The following C2orf49 variants were observed in gnomAD, a reference collection of about 807,000 sequenced individuals.
The protein encoded by C2orf49 is tRNA-splicing ligase complex subunit ASW.
C2orf49 carries 11 observed loss-of-function variants against 20.6 expected under a neutral mutation model. The observed-to-expected ratio is 0.53, with a 90% CI of 0.34 to 0.88. The LOEUF (loss-of-function observed/expected upper bound fraction) is 0.88. Among genes scored for constraint, C2orf49 ranks in the 40% least tolerant of loss-of-function variants. The probability of loss-of-function intolerance (pLI) is 0.02; values close to 1 mark genes in which losing one functional copy is unlikely to be tolerated. For synonymous variants in C2orf49, 134 were observed against 108.5 expected, an observed-to-expected ratio of 1.24 and a Z score of -1.46; for missense variants, 289 against 274.2, an observed-to-expected ratio of 1.05 and a Z score of -0.38.
At chr2:105,339,817 T>G in intron 2 of C2orf49, 68 bp downstream of exon 2, 1 of 1,343,176 alleles carries the variant, frequency 7.4e-7, no homozygotes, top group Non-Finnish European at 9.9e-7. Flanking sequence ...GTTATTGATT[T>G]TTCCTGAGAT....
chr2:105,339,509 C>T, intron 1 of C2orf49, 74 bp from the exon 2 acceptor site: 2 of 1,370,862 alleles, frequency 1.5e-6, no homozygotes, highest in Non-Finnish European at 1.0e-6. Context: ...AATGTTTTAC[C>T]ATGTTAGGTA....
the C2orf49 span, among the ~76,000 whole-genome samples, chr2:105,364,005 T>G: frequency 6.6e-6 from 1 of 152,090 alleles, no homozygotes; most frequent in African/African-American, 2.4e-5. Context: ...ACCTGTAATC[T>G]CAGGACTTTG....
the C2orf49 span, chr2:105,377,744 G>A: frequency 7.2e-5 from 19 of 265,178 alleles, 1 homozygote; most frequent in African/African-American, 3.1e-4. Flanking sequence ...AGGACTGCTC[G>A]TTTGGGGAAA....
the C2orf49 span, chr2:105,376,328 A>G: frequency 6.6e-6 from 1 of 152,216 alleles, no homozygotes; most frequent in East Asian, 1.9e-4. Flanking sequence ...TTCAAAACAG[A>G]TAGCCTTGAG....
the C2orf49 span, chr2:105,363,401 C>A: frequency 1.2e-6 from 2 of 1,613,536 alleles, no homozygotes; most frequent in Non-Finnish European, 8.5e-7. Context: ...CTGCTTCCTG[C>A]AGGCGGTGCA....
chr2:105,384,545 T>G, the C2orf49 span, among the ~76,000 whole-genome samples: 1 of 152,160 alleles, frequency 6.6e-6, no homozygotes, highest in Non-Finnish European at 1.5e-5. Context: ...TCTTACTCTG[T>G]GTCCCAGGCT....
the C2orf49 span, among the ~76,000 whole-genome samples, chr2:105,355,767 ATTTTGTGTGT>A: frequency 1.7e-5 from 2 of 117,280 alleles, no homozygotes; most frequent in Non-Finnish European, 3.8e-5. Context: ...AGGAGAAAAA[ATTTTGTGTGT>A]GTGTGTGTGT....
At chr2:105,379,996 T>A in the C2orf49 span, among the ~76,000 whole-genome samples, 1 of 152,202 alleles carries the variant, frequency 6.6e-6, no homozygotes, top group Non-Finnish European at 1.5e-5. Flanking sequence ...GCGCCCAGTT[T>A]GTGTTGTCTT....
intron 2 of C2orf49, among the ~76,000 whole-genome samples, chr2:105,341,204 T>G (rs1387297933): frequency 6.6e-6 from 1 of 152,242 alleles, no homozygotes; most frequent in Non-Finnish European, 1.5e-5. Context: ...TTCCTCTTGA[T>G]CAGCACATTC....
In C2orf49 at chr2:105,348,124, A is replaced by G. The variant is rs1679860284; in HGVS notation, c.*2753A>G. On this transcript the variant is annotated 3_prime_UTR_variant, in exon 4 of 4. Coordinates refer to ENST00000258457, the MANE Select transcript of C2orf49 (RefSeq NM_024093.3). ...CTTCTAGCTTAGGTTTGCAAGTCAT[A>G]TTGCTTGGCCCTCCACATTCACTGA... The G allele has an allele frequency of 6.6e-6, 1 of 151,954 alleles. No homozygotes were observed. Among genetic ancestry groups the G allele is most frequent in the African/African-American group, 2.4e-5 (1 of 41,340 alleles). 9.4% of individuals were successfully genotyped at this position (151,954 alleles called of 1,614,324 possible).
At chr2:105,379,156 T>C in the C2orf49 span, among the ~76,000 whole-genome samples, 3 of 152,306 alleles carry the variant, frequency 2.0e-5, no homozygotes, top group Middle Eastern at 3.4e-3. Flanking sequence ...TACATCACCA[T>C]TGGGAAGTAA....
At chr2:105,379,373 TC>T in the C2orf49 span, among the ~76,000 whole-genome samples, 4 of 152,172 alleles carry the variant, frequency 2.6e-5, no homozygotes, top group Non-Finnish European at 4.4e-5. Context: ...ATGAAGACAG[TC>T]CTATCAATGA....
chr2:105,340,606 A>G (rs1269786954), intron 2 of C2orf49, among the ~76,000 whole-genome samples: 2 of 152,224 alleles, frequency 1.3e-5, no homozygotes, highest in East Asian at 1.9e-4. Flanking sequence ...AGGGCCTGTT[A>G]ACTAGCTTAA....
the C2orf49 span, among the ~76,000 whole-genome samples, chr2:105,369,100 T>C: frequency 6.6e-6 from 1 of 152,164 alleles, no homozygotes; most frequent in Non-Finnish European, 1.5e-5. Context: ...GCCCCAAATA[T>C]TTATCTGATT....
At chr2:105,354,843 G>C in the C2orf49 span, among the ~76,000 whole-genome samples, 1 of 152,130 alleles carries the variant, frequency 6.6e-6, no homozygotes, top group Non-Finnish European at 1.5e-5. Context: ...CAAAGTAGAG[G>C]TAACTAATAC....
the C2orf49 span, among the ~76,000 whole-genome samples, chr2:105,363,744 G>T: frequency 6.6e-6 from 1 of 152,170 alleles, no homozygotes; most frequent in Non-Finnish European, 1.5e-5. Flanking sequence ...AAGGCATAGG[G>T]TGCCTCAGTG....
downstream of C2orf49, among the ~76,000 whole-genome samples, chr2:105,352,439 T>TTTG (rs1679958668): frequency 8.0e-6 from 1 of 124,560 alleles, no homozygotes; most frequent in Admixed American, 8.7e-5. Context: ...GTTTTTTTTT[T>TTTG]TTTTTTTTTT....
chr2:105,379,042 G>T, the C2orf49 span, among the ~76,000 whole-genome samples: 1 of 152,128 alleles, frequency 6.6e-6, no homozygotes, highest in Non-Finnish European at 1.5e-5. Context: ...GGGATCCCAG[G>T]AGCACGTGAT....
Position 105,343,224 on chromosome 2 carries a change from G to T in C2orf49, c.642+1G>T. On this transcript the variant is annotated splice_donor_variant, in intron 3 of 3. Coordinates refer to ENST00000258457, the MANE Select transcript of C2orf49 (RefSeq NM_024093.3). LOFTEE classifies it high-confidence loss of function. ...TCCTAAAGAAGAGGCAGAGGCCATG[G>T]TAAGTATGGGGGTGGTTTCCATGCT... 1 of 1,580,394 alleles carries T rather than the reference G, an allele frequency of 6.3e-7. No homozygotes were observed. The highest frequency in any genetic ancestry group is 2.2e-5 in the East Asian group (1 of 44,716).
Sources: allele counts gnomAD v4.1 joint callset (sites outside exome capture counted in the v4.1 genomes callset), GRCh38; gene constraint gnomAD v4.1.1; transcripts MANE v1.5; gene names NCBI Gene and HGNC (gene_info 2026-07-23, HGNC 2026-07-21).